The following MROH9 variants were observed in gnomAD, a reference collection of about 807,000 sequenced individuals.
MROH9 encodes the protein maestro heat-like repeat-containing protein family member 9.
Under a neutral mutation model 98.2 loss-of-function variants are expected in MROH9, and 92 were observed. The ratio of observed to expected loss-of-function variants is 0.94; its 90% CI spans 0.79 to 1.11. MROH9 has a LOEUF of 1.11. Among genes scored for constraint, MROH9 ranks in the 50% most tolerant of loss-of-function variants. The pLI is 0.00. For synonymous variants in MROH9, 397 were observed against 368.9 expected (o/e 1.08, Z -0.87); for missense variants, 1,057 against 1,014.8 (o/e 1.04, Z -0.57).
intron 1 of MROH9, among the ~76,000 whole-genome samples, chr1:170,942,278 G>A (rs1649148960): frequency 6.6e-6 from 1 of 151,810 alleles, no homozygotes; most frequent in African/African-American, 2.4e-5. Flanking sequence ...GAAGAGTGGT[G>A]GGGTTGAGTC....
intron 20 of MROH9, among the ~76,000 whole-genome samples, chr1:171,030,735 T>C (rs1399312699): frequency 2.6e-5 from 4 of 152,238 alleles, no homozygotes; most frequent in Admixed American, 2.6e-4. Flanking sequence ...ATCAGTGCCA[T>C]GTGGCACTGA....
At chr1:171,032,417 C>T (rs1298006100) in intron 20 of MROH9, among the ~76,000 whole-genome samples, 1 of 152,194 alleles carries the variant, frequency 6.6e-6, no homozygotes, top group East Asian at 1.9e-4. Context: ...GTGAGTTTGT[C>T]TAGAGTCGGT....
intron 11 of MROH9, among the ~76,000 whole-genome samples, chr1:170,990,838 T>C (rs1357454141): frequency 5.3e-5 from 8 of 152,190 alleles, no homozygotes; most frequent in Admixed American, 1.3e-4. Flanking sequence ...GTTATGTGGG[T>C]TGCTTAGTTA....
In MROH9 at chr1:170,965,187, C is replaced by G; in HGVS notation, c.412C>G (p.Leu138Val). ...LVWMSKDSSY[L>V]QERIMVIINK... is the part of the protein sequence containing the mutation. ...GTGGATGAGTAAAGATAGCTCATAT[C>G]TGCAAGAGAGAATAATGGTGATCAT... is the stretch of plus-strand genomic sequence containing the variant. The change falls in exon 7 of 22, where the codon CTG becomes GTG. Residue 138 changes from leucine (L) to valine (V), a missense_variant. By Grantham distance (32) the Leu-to-Val change is conservative. Coordinates refer to ENST00000367759, the MANE Select transcript of MROH9 (RefSeq NM_001163629.2). 1 of 1,611,546 alleles carries G rather than the reference C, an allele frequency of 6.2e-7. No homozygotes were observed. Among genetic ancestry groups the G allele is most frequent in the Non-Finnish European group, 8.5e-7 (1 of 1,178,236 alleles).
chr1:171,058,736 C>T (rs1436272885), intron 20 of MROH9, among the ~76,000 whole-genome samples: 1 of 152,170 alleles, frequency 6.6e-6, no homozygotes, highest in African/African-American at 2.4e-5. Flanking sequence ...CGAAAACAAG[C>T]AATGGGGAAA....
chr1:171,019,940 A>G (rs1386778563), intron 17 of MROH9, among the ~76,000 whole-genome samples: 1 of 152,214 alleles, frequency 6.6e-6, no homozygotes, highest in Non-Finnish European at 1.5e-5. Flanking sequence ...GGAAATCACC[A>G]CTGACCCCCC....
intron 8 of MROH9, among the ~76,000 whole-genome samples, chr1:170,979,788 G>A (rs889479537): frequency 7.2e-5 from 11 of 152,144 alleles, no homozygotes; most frequent in African/African-American, 1.9e-4. Flanking sequence ...GTAAGAGGAA[G>A]AGAGGAAGTC....
At chr1:170,972,474 A>G (rs1465040820) in intron 8 of MROH9, among the ~76,000 whole-genome samples, 1 of 152,162 alleles carries the variant, frequency 6.6e-6, no homozygotes, top group Non-Finnish European at 1.5e-5. Flanking sequence ...CAGAGAACAC[A>G]TTTACTCTAT....
At chr1:170,993,917 G>A (rs1430746991) in intron 12 of MROH9, among the ~76,000 whole-genome samples, 2 of 151,850 alleles carry the variant, frequency 1.3e-5, no homozygotes, top group African/African-American at 2.4e-5. Flanking sequence ...TAAGTTGTCA[G>A]CATTATTTTC....
chr1:171,004,621 G>T (rs1162864035), intron 15 of MROH9, among the ~76,000 whole-genome samples: 1 of 152,172 alleles, frequency 6.6e-6, no homozygotes, highest in African/African-American at 2.4e-5. Context: ...TCCGGGTCCT[G>T]CAGGAGCTTC....
chr1:170,980,978 T>C (rs1650908372), intron 8 of MROH9, among the ~76,000 whole-genome samples: 1 of 152,090 alleles, frequency 6.6e-6, no homozygotes, highest in Non-Finnish European at 1.5e-5. Flanking sequence ...CAGACAGTTC[T>C]CAAAAGAAGA....
At chr1:170,936,677 C>T (rs918958641) in intron 1 of MROH9, among the ~76,000 whole-genome samples, 1 of 152,144 alleles carries the variant, frequency 6.6e-6, no homozygotes, top group African/African-American at 2.4e-5. Flanking sequence ...AGTTAATCTC[C>T]AAATAAAGTC....
At chr1:171,014,863 C>A in intron 16 of MROH9, 1 of 416,990 alleles carries the variant, frequency 2.4e-6, no homozygotes, top group South Asian at 1.8e-5. Flanking sequence ...AGGCCCCACC[C>A]CCGTCCTATG....
chr1:170,942,309 T>A (rs1649149541), intron 1 of MROH9, among the ~76,000 whole-genome samples: 1 of 151,778 alleles, frequency 6.6e-6, no homozygotes, highest in African/African-American at 2.4e-5. Context: ...CTCAGCATTA[T>A]CTTGCTTGGC....
chr1:170,978,948 G>C (rs537946519), intron 8 of MROH9, among the ~76,000 whole-genome samples: 1 of 152,322 alleles, frequency 6.6e-6, no homozygotes, highest in African/African-American at 2.4e-5. Flanking sequence ...GGGAGTTGCA[G>C]AGATGCTACT....
intron 20 of MROH9, among the ~76,000 whole-genome samples, chr1:171,056,538 C>T (rs941636803): frequency 1.6e-4 from 25 of 152,216 alleles, no homozygotes; most frequent in Admixed American, 1.6e-3. Flanking sequence ...CTCTGTGAAT[C>T]AGCAGACATA....
chr1:170,992,202 C>A lies in MROH9; in HGVS notation c.1067C>A (p.Ala356Glu). Residue 356 changes from alanine (A) to glutamate (E), a missense_variant, in exon 12 of 22, where the codon GCG (alanine) becomes GAG (glutamate). Ala to Glu is a moderately radical substitution (Grantham distance 107). Transcript: ENST00000367759. The stretch of plus-strand genomic sequence containing the variant: ...ATGTGGAAGGCGGCATGTTCTCAGG[C>A]GAGCGTGGCCCCTCACGTGCTGAAG... ...IQMWKAACSQ[A>E]SVAPHVLKTI... The A allele has an allele frequency of 6.2e-7, 1 of 1,612,544 alleles. No homozygotes were observed. Among genetic ancestry groups the A allele is most frequent in the African/African-American group, 1.3e-5 (1 of 74,944 alleles).
chr1:170,945,114 C>T (rs778910280), intron 1 of MROH9, among the ~76,000 whole-genome samples: 11 of 151,742 alleles, frequency 7.2e-5, no homozygotes, highest in Admixed American at 5.3e-4. Flanking sequence ...GGCAAGAAAC[C>T]GCAGACGGCT....
intron 17 of MROH9, among the ~76,000 whole-genome samples, chr1:171,023,738 T>C (rs1246469027): frequency 6.6e-6 from 1 of 152,192 alleles, no homozygotes; most frequent in East Asian, 1.9e-4. Flanking sequence ...ACCTCACATA[T>C]CTTTTTTGTG....
Sources: allele counts gnomAD v4.1 joint callset (sites outside exome capture counted in the v4.1 genomes callset), GRCh38; gene constraint gnomAD v4.1.1; transcripts MANE v1.5; gene names NCBI Gene and HGNC (gene_info 2026-07-23, HGNC 2026-07-21).